TEAD1: variants seen among roughly 807,000 people sequenced by gnomAD.
The protein encoded by TEAD1 is TEA domain transcription factor 1, also known as transcriptional enhancer factor TEF-1.
TEAD1 carries 9 observed loss-of-function variants against 54.9 expected under a neutral mutation model. The ratio of observed to expected loss-of-function variants is 0.16; its 90% CI spans 0.10 to 0.29. TEAD1 has a LOEUF of 0.29. Among genes scored for constraint, TEAD1 ranks in the 10% least tolerant of loss-of-function variants. The pLI is 1.00. For missense variants in TEAD1, 387 were observed against 535.9 expected (o/e 0.72, Z 2.74); for synonymous variants, 200 against 187.8 (o/e 1.07, Z -0.53).
chr11:12,844,855 G>T (rs749716675), intron 3 of TEAD1, among the ~76,000 whole-genome samples: 11 of 151,652 alleles, frequency 7.3e-5, no homozygotes, highest in Non-Finnish European at 1.5e-4. Flanking sequence ...AGCAAAGGGG[G>T]TAAGGACACA....
intron 3 of TEAD1, among the ~76,000 whole-genome samples, chr11:12,811,614 A>G (rs938094458): frequency 6.6e-6 from 1 of 152,166 alleles, no homozygotes; most frequent in African/African-American, 2.4e-5. Flanking sequence ...AACAGGAGTC[A>G]GGGCTGGAGA....
At chr11:12,891,193 A>G (rs1280029435) in intron 9 of TEAD1, among the ~76,000 whole-genome samples, 4 of 152,252 alleles carry the variant, frequency 2.6e-5, no homozygotes, top group African/African-American at 7.2e-5. Flanking sequence ...ACCCTTAAGT[A>G]GGTAGCCACT....
At chr11:12,822,361 A>C (rs1172093805) in intron 3 of TEAD1, 2 of 152,218 alleles carry the variant, frequency 1.3e-5, no homozygotes, top group East Asian at 3.9e-4. Context: ...CGGTGACTGA[A>C]ATAATTATTT....
chr11:12,678,188 A>T (rs943363741), intron 2 of TEAD1, among the ~76,000 whole-genome samples: 2 of 152,260 alleles, frequency 1.3e-5, no homozygotes, highest in African/African-American at 4.8e-5. Context: ...AGAAGTGTCC[A>T]GATTTCTCTG....
chr11:12,924,823 A>T, intron 10 of TEAD1, 89 bp from the exon 11 acceptor site: 1 of 1,511,118 alleles, frequency 6.6e-7, no homozygotes, highest in East Asian at 2.3e-5. Context: ...TCATTCAGCC[A>T]AGCAGAGGTC....
chr11:12,802,908 T>C (rs541770571), intron 3 of TEAD1, among the ~76,000 whole-genome samples: 4 of 152,196 alleles, frequency 2.6e-5, no homozygotes, highest in Non-Finnish European at 4.4e-5. Flanking sequence ...CTTATCACAC[T>C]GTTTACCTGA....
intron 2 of TEAD1, among the ~76,000 whole-genome samples, chr11:12,743,015 C>T (rs1439902122): frequency 2.6e-5 from 4 of 152,194 alleles, no homozygotes; most frequent in African/African-American, 2.4e-5. Flanking sequence ...TGCTGTAATA[C>T]GTCCAGGCTA....
At chr11:12,781,862 C>A (rs527810009) in intron 3 of TEAD1, among the ~76,000 whole-genome samples, 1 of 150,526 alleles carries the variant, frequency 6.6e-6, no homozygotes, top group South Asian at 2.1e-4. Context: ...TGTGTTGGCT[C>A]CCAGCACTTT....
chr11:12,719,726 G>A (rs1375761561), intron 2 of TEAD1, among the ~76,000 whole-genome samples: 2 of 151,990 alleles, frequency 1.3e-5, no homozygotes, highest in Non-Finnish European at 2.9e-5. Context: ...CATGGGGTAG[G>A]GGTATTAGGA....
chr11:12,865,061 C>T (rs1815348884), intron 5 of TEAD1, 161 bp downstream of exon 5: 1 of 819,222 alleles, frequency 1.2e-6, no homozygotes, highest in East Asian at 2.6e-5. Flanking sequence ...TGTTTCTGTA[C>T]TAGCCTCACA....
chr11:12,868,545 C>T (rs898634395), intron 5 of TEAD1, among the ~76,000 whole-genome samples: 6 of 152,264 alleles, frequency 3.9e-5, no homozygotes, highest in Admixed American at 2.0e-4. Flanking sequence ...CCTGAAAATC[C>T]GTTAGAATAA....
chr11:12,904,847 A>G, intron 10 of TEAD1: 1 of 359,576 alleles, frequency 2.8e-6, no homozygotes, highest in Non-Finnish European at 5.3e-6. Context: ...ATGATCACCA[A>G]ACTGCTGCTA....
chr11:12,793,752 A>G (rs1945856387), intron 3 of TEAD1, among the ~76,000 whole-genome samples: 1 of 152,222 alleles, frequency 6.6e-6, no homozygotes, highest in Admixed American at 6.5e-5. Flanking sequence ...ACTATCCTGG[A>G]TGATCTCTTT....
At chr11:12,809,843 C>A (rs991494804) in intron 3 of TEAD1, among the ~76,000 whole-genome samples, 1 of 152,076 alleles carries the variant, frequency 6.6e-6, no homozygotes, top group Non-Finnish European at 1.5e-5. Context: ...TGCTCCGAGC[C>A]CTGTGCCTGG....
At chr11:12,885,732 C>T (rs938283916) in intron 9 of TEAD1, among the ~76,000 whole-genome samples, 12 of 152,140 alleles carry the variant, frequency 7.9e-5, no homozygotes, top group African/African-American at 2.7e-4. Flanking sequence ...TGTGGTAGCT[C>T]CCTCATTGTT....
At chr11:12,783,133 T>TGTGTGTGTGTGTGTGCGC (rs1198828193) in intron 3 of TEAD1, among the ~76,000 whole-genome samples, 9 of 145,496 alleles carry the variant, frequency 6.2e-5, no homozygotes, top group African/African-American at 2.4e-4. Context: ...TGTGTGTGTG[T>TGTGTGTGTGTGTGTGCGC]GCGCGCACTT....
intron 2 of TEAD1, among the ~76,000 whole-genome samples, chr11:12,695,132 G>A (rs898333209): frequency 6.6e-6 from 1 of 152,194 alleles, no homozygotes; most frequent in Non-Finnish European, 1.5e-5. Context: ...CTTACTTGTC[G>A]TTTGTATTTT....
intron 3 of TEAD1, among the ~76,000 whole-genome samples, chr11:12,852,447 T>A (rs1427180886): frequency 1.6e-5 from 2 of 122,258 alleles, no homozygotes; most frequent in Non-Finnish European, 3.5e-5. Flanking sequence ...CATCTTTTTT[T>A]CCTTTTTTTT....
At chr11:12,892,600 C>T (rs977991549) in intron 9 of TEAD1, among the ~76,000 whole-genome samples, 1 of 152,082 alleles carries the variant, frequency 6.6e-6, no homozygotes, top group African/African-American at 2.4e-5. Flanking sequence ...GCTGAGATCG[C>T]GCCATTGCTC....
Sources: gnomAD v4.1 joint callset for allele counts (sites outside exome capture counted in the v4.1 genomes callset) on GRCh38, gnomAD v4.1.1 for gene constraint, MANE v1.5 for transcripts, NCBI Gene and HGNC (gene_info 2026-07-23, HGNC 2026-07-21) for gene names.